The following IL1RAPL1 variants were observed in gnomAD, a reference collection of about 807,000 sequenced individuals.
IL1RAPL1 encodes interleukin-1 receptor accessory protein-like 1.
A neutral mutation model predicts 48.4 loss-of-function variants in IL1RAPL1; 3 were observed. The ratio of observed to expected loss-of-function variants is 0.06; its 90% CI spans 0.03 to 0.16. IL1RAPL1 has a LOEUF of 0.16. Among genes scored for constraint, IL1RAPL1 ranks in the 10% least tolerant of loss-of-function variants. The pLI is 1.00. For synonymous variants in IL1RAPL1, 185 were observed against 187.7 expected (o/e 0.99, Z 0.12); for missense variants, 349 against 530.6 (o/e 0.66, Z 3.36).
chrX:29,174,178 C>A (rs1929962825), intron 2 of IL1RAPL1, among the ~76,000 whole-genome samples: 1 of 111,180 alleles, frequency 9.0e-6, no homozygotes, highest in Admixed American at 9.6e-5. Flanking sequence ...CCTGCCTCAG[C>A]CTCCCAAAGT....
At chrX:28,800,184 C>G (rs1302883970) in intron 2 of IL1RAPL1, among the ~76,000 whole-genome samples, 7 of 111,516 alleles carry the variant, frequency 6.3e-5, no homozygotes, top group African/African-American at 2.3e-4. Flanking sequence ...CATGGCCTTC[C>G]CCTCTGTGTC....
exon 11 of IL1RAPL1, chrX:29,956,711 C>CAAAAAAAAAAAAA (rs1181399252): frequency 4.0e-5 from 2 of 49,813 alleles, no homozygotes; most frequent in African/African-American, 7.1e-5. Flanking sequence ...CAAAACAAAA[C>CAAAAAAAAAAAAA]AAAAAAAGAA....
chrX:29,366,307 G>A (rs1933454262), intron 3 of IL1RAPL1, among the ~76,000 whole-genome samples: 1 of 109,937 alleles, frequency 9.1e-6, no homozygotes, highest in Non-Finnish European at 1.9e-5. Flanking sequence ...ATAACTGTAT[G>A]CTGATAGATT....
intron 1 of IL1RAPL1, among the ~76,000 whole-genome samples, chrX:28,620,000 A>C (rs985563879): frequency 2.7e-5 from 3 of 111,329 alleles, no homozygotes; most frequent in Non-Finnish European, 5.7e-5. Context: ...TAACTTTGGA[A>C]CATGCTGCTT....
chrX:29,221,015 G>C (rs912583281), intron 2 of IL1RAPL1, among the ~76,000 whole-genome samples: 1 of 111,015 alleles, frequency 9.0e-6, no homozygotes, highest in Non-Finnish European at 1.9e-5. Flanking sequence ...CACCTACCGG[G>C]TTCAAGCGAT....
chrX:29,467,964 A>G (rs1934881906), intron 5 of IL1RAPL1, among the ~76,000 whole-genome samples: 2 of 111,452 alleles, frequency 1.8e-5, no homozygotes, highest in Admixed American at 1.9e-4. Context: ...GGGTTCAAGC[A>G]ATTCTACTGC....
At chrX:28,641,250 T>G (rs1043476183) in intron 1 of IL1RAPL1, among the ~76,000 whole-genome samples, 1 of 109,440 alleles carries the variant, frequency 9.1e-6, no homozygotes, top group African/African-American at 3.3e-5. Flanking sequence ...GTGTGTGACG[T>G]TCCCCTCCCT....
chrX:28,989,694 T>A (rs1210268490), intron 2 of IL1RAPL1, among the ~76,000 whole-genome samples: 1 of 112,292 alleles, frequency 8.9e-6, no homozygotes, highest in Non-Finnish European at 1.9e-5. Flanking sequence ...TAACATCACT[T>A]CTTTCTTAGA....
chrX:28,955,970 G>A (rs1162903702), intron 2 of IL1RAPL1, among the ~76,000 whole-genome samples: 1 of 100,624 alleles, frequency 9.9e-6, no homozygotes, highest in African/African-American at 3.8e-5. Flanking sequence ...AGTTCTCCTT[G>A]AAGAGGTCCT....
intron 1 of IL1RAPL1, among the ~76,000 whole-genome samples, chrX:28,757,749 A>C (rs938539861): frequency 6.2e-5 from 7 of 112,160 alleles, no homozygotes; most frequent in Admixed American, 4.7e-4. Context: ...TTAGCCAAGA[A>C]AACTCAACTC....
intron 2 of IL1RAPL1, among the ~76,000 whole-genome samples, chrX:28,895,073 T>C (rs1415862953): frequency 9.1e-6 from 1 of 109,716 alleles, no homozygotes; most frequent in East Asian, 2.9e-4. Context: ...GGATGAAGGG[T>C]GCAAAGGAAT....
intron 2 of IL1RAPL1, among the ~76,000 whole-genome samples, chrX:28,977,547 T>A (rs904910488): frequency 1.8e-5 from 2 of 112,248 alleles, no homozygotes; most frequent in Non-Finnish European, 3.8e-5. Flanking sequence ...GGGGTTACAA[T>A]TGAACATGAG....
chrX:28,679,181 A>G (rs890637506), intron 1 of IL1RAPL1, among the ~76,000 whole-genome samples: 17 of 112,017 alleles, frequency 1.5e-4, no homozygotes, highest in African/African-American at 5.5e-4. Flanking sequence ...CATTTTCCCC[A>G]TAATTAGCGA....
intron 2 of IL1RAPL1, among the ~76,000 whole-genome samples, chrX:28,973,120 C>T (rs773653561): frequency 8.0e-4 from 90 of 112,118 alleles, no homozygotes; most frequent in African/African-American, 2.7e-3. Context: ...ATTTCCAGAG[C>T]ATGTGATACA....
intron 2 of IL1RAPL1, among the ~76,000 whole-genome samples, chrX:29,095,787 T>TA (rs1421872755): frequency 5.9e-5 from 6 of 102,126 alleles, no homozygotes; most frequent in Non-Finnish European, 1.0e-4. Context: ...TTTTTTTTTT[T>TA]ACCATCTTTC....
At chrX:29,526,473 C>G (rs188738730) in intron 5 of IL1RAPL1, among the ~76,000 whole-genome samples, 8 of 111,808 alleles carry the variant, frequency 7.2e-5, no homozygotes, top group Non-Finnish European at 1.5e-4. Flanking sequence ...AAAATTCCCT[C>G]TATTTGCAGA....
chrX:29,911,712 T>C (rs1230377532), intron 6 of IL1RAPL1, among the ~76,000 whole-genome samples: 3 of 112,118 alleles, frequency 2.7e-5, no homozygotes, highest in African/African-American at 6.5e-5. Flanking sequence ...ATTTTCTTGA[T>C]GTTTGTGCTA....
At chrX:29,731,560 G>T (rs1483447884) in intron 6 of IL1RAPL1, among the ~76,000 whole-genome samples, 1 of 111,828 alleles carries the variant, frequency 8.9e-6, no homozygotes, top group Non-Finnish European at 1.9e-5. Flanking sequence ...AAAGTAAAAG[G>T]GTTGATACCC....
chrX:29,830,026 C>A (rs1355716996), intron 6 of IL1RAPL1, among the ~76,000 whole-genome samples: 1 of 111,962 alleles, frequency 8.9e-6, no homozygotes, highest in Non-Finnish European at 1.9e-5. Context: ...CTGCAAATGT[C>A]CTCTGATATT....
Sources: allele counts gnomAD v4.1 joint callset (sites outside exome capture counted in the v4.1 genomes callset), GRCh38; gene constraint gnomAD v4.1.1; transcripts MANE v1.5; gene names NCBI Gene and HGNC (gene_info 2026-07-23, HGNC 2026-07-21).